The following ERC1 variants were observed in gnomAD, a reference collection of about 807,000 sequenced individuals.
ERC1 encodes RAB6 interacting protein 2.
Under a neutral mutation model 132.0 loss-of-function variants are expected in ERC1, and 56 were observed. The ratio of observed to expected loss-of-function variants is 0.42; its 90% CI spans 0.34 to 0.53. The LOEUF is 0.53. ERC1 is among the 20% of genes least tolerant of loss of function. The pLI is 0.03. For synonymous variants in ERC1, 478 were observed against 476.1 expected, an observed-to-expected ratio of 1.00 and a Z score of -0.05; for missense variants, 1,202 against 1,349.9, an observed-to-expected ratio of 0.89 and a Z score of 1.72.
intron 15 of ERC1, among the ~76,000 whole-genome samples, chr12:1,356,869 T>C (rs1043165243): frequency 6.6e-6 from 1 of 152,210 alleles, no homozygotes; most frequent in African/African-American, 2.4e-5. Flanking sequence ...GGGACTCTTA[T>C]AGTTTTTGCC....
chr12:1,265,672 A>G (rs1321973370), intron 14 of ERC1, among the ~76,000 whole-genome samples: 1 of 152,184 alleles, frequency 6.6e-6, no homozygotes, highest in African/African-American at 2.4e-5. Flanking sequence ...CCATTACAGT[A>G]TTATACAGAG....
intron 7 of ERC1, among the ~76,000 whole-genome samples, chr12:1,122,562 T>TGTG (rs1947618161): frequency 4.2e-5 from 3 of 72,288 alleles, no homozygotes; most frequent in Non-Finnish European, 8.2e-5. Context: ...TATCTCTATC[T>TGTG]CTATCTGTGT....
At position 1,343,318 on chromosome 12, in the gene ERC1, T is replaced by C. The variant is rs117859501; in HGVS notation, c.2781-28515T>C. On this transcript the variant is annotated intron_variant, in intron 15 of 18. Transcript: ENST00000360905. ...TCCCCCCTTTTATCTGTGTCACTAA[T>C]GCTAAATTAGTTCATGGGTCATTCA... Among the ~76,000 whole-genome samples the C allele has an allele frequency of 9.8e-3, 1,500 of 152,340 alleles. 14 individuals carry two copies. The highest frequency in any genetic ancestry group is 0.014 in the Non-Finnish European group (986 of 68,038).
intron 18 of ERC1, among the ~76,000 whole-genome samples, chr12:1,454,144 G>GT (rs1292480433): frequency 1.3e-5 from 2 of 151,968 alleles, no homozygotes; most frequent in African/African-American, 4.8e-5. Context: ...TGAATCTTCC[G>GT]TAACACTCTA....
intron 15 of ERC1, among the ~76,000 whole-genome samples, chr12:1,298,408 T>C (rs1226406350): frequency 1.3e-5 from 2 of 151,384 alleles, no homozygotes; most frequent in Admixed American, 1.3e-4. Flanking sequence ...CCGGGTGTGG[T>C]GGCGGGTGTC....
intron 15 of ERC1, among the ~76,000 whole-genome samples, chr12:1,342,478 A>AAAAAAAACAAAAAAAAGAT (rs2084010112): frequency 3.3e-5 from 5 of 151,710 alleles, no homozygotes; most frequent in Admixed American, 6.6e-5. Context: ...CAAAAAAAAA[A>AAAAAAAACAAAAAAAAGAT]AAAACAAAAA....
At chr12:1,341,312 G>T (rs1479452112) in intron 15 of ERC1, among the ~76,000 whole-genome samples, 1 of 151,114 alleles carries the variant, frequency 6.6e-6, no homozygotes, top group Non-Finnish European at 1.5e-5. Context: ...CACCAAGATG[G>T]TCTCGATCTC....
chr12:1,369,175 C>G (rs1293451121), intron 15 of ERC1, among the ~76,000 whole-genome samples: 3 of 152,148 alleles, frequency 2.0e-5, no homozygotes, highest in African/African-American at 4.8e-5. Context: ...ATGCCACATT[C>G]CTCAAAACTT....
chr12:1,321,415 C>T (rs1466667419), intron 15 of ERC1, among the ~76,000 whole-genome samples: 1 of 152,116 alleles, frequency 6.6e-6, no homozygotes, highest in Admixed American at 6.5e-5. Context: ...CTGTTGTATT[C>T]ATACAATGCG....
Position 1,053,360 on chromosome 12 carries a change from A to G in ERC1, c.669+24788A>G, listed in dbSNP as rs547558138. Among the ~76,000 whole-genome samples, 5 of 152,322 alleles carry G rather than the reference A, an allele frequency of 3.3e-5. No individual in the cohort carries two copies. In the South Asian group the frequency reaches 8.3e-4, roughly 25 times the overall value. Reference sequence around the variant, plus strand: ...TATGCATTAAATATGTGCTTCATTCAGGAGGAGATCACCCCACCCCAGCCA... The same window carrying G: ...TATGCATTAAATATGTGCTTCATTCGGGAGGAGATCACCCCACCCCAGCCA... On this transcript the variant is annotated intron_variant, in intron 2 of 18. Transcript: ENST00000360905.
At chr12:1,020,341 C>G (rs1592734639) in intron 1 of ERC1, among the ~76,000 whole-genome samples, 1 of 152,292 alleles carries the variant, frequency 6.6e-6, no homozygotes. Context: ...CCTGTAATCC[C>G]AGCTACTTGG....
At chr12:1,243,303 C>G (rs893087527) in intron 13 of ERC1, among the ~76,000 whole-genome samples, 2 of 151,882 alleles carry the variant, frequency 1.3e-5, no homozygotes, top group Non-Finnish European at 1.5e-5. Flanking sequence ...CAGGGACTTG[C>G]GCATCTGTGG....
chr12:1,269,791 G>A (rs1251949259), intron 14 of ERC1, among the ~76,000 whole-genome samples: 1 of 152,140 alleles, frequency 6.6e-6, no homozygotes, highest in East Asian at 1.9e-4. Flanking sequence ...TGCTCAAAAG[G>A]CACCTAAGGT....
intron 12 of ERC1, among the ~76,000 whole-genome samples, chr12:1,229,329 G>T (rs993153543): frequency 1.3e-5 from 2 of 151,984 alleles, no homozygotes; most frequent in African/African-American, 2.4e-5. Context: ...TAGCAAGACT[G>T]GTCTCTACAA....
intron 7 of ERC1, among the ~76,000 whole-genome samples, chr12:1,138,743 G>C (rs1015481978): frequency 3.3e-5 from 5 of 152,182 alleles, no homozygotes; most frequent in African/African-American, 9.7e-5. Flanking sequence ...TGGAAGTGGG[G>C]CAAGGAGGCA....
chr12:1,387,754 T>C (rs2154381211), intron 16 of ERC1, among the ~76,000 whole-genome samples: 1 of 152,350 alleles, frequency 6.6e-6, no homozygotes, highest in African/African-American at 2.4e-5. Context: ...ACTTTTGGAC[T>C]TGGGGCCGCT....
chr12:1,227,578 G>A (rs763334388), intron 12 of ERC1, among the ~76,000 whole-genome samples: 29 of 152,268 alleles, frequency 1.9e-4, no homozygotes, highest in Admixed American at 4.6e-4. Context: ...AGGTTTGCAA[G>A]CATTTTTTCC....
intron 1 of ERC1, among the ~76,000 whole-genome samples, chr12:1,026,467 T>C (rs1475129617): frequency 6.6e-6 from 1 of 152,236 alleles, no homozygotes; most frequent in Non-Finnish European, 1.5e-5. Flanking sequence ...CTTGGGCTAG[T>C]ACTATACAGT....
intron 15 of ERC1, among the ~76,000 whole-genome samples, chr12:1,345,432 C>T (rs2084361285): frequency 6.6e-6 from 1 of 152,128 alleles, no homozygotes; most frequent in Admixed American, 6.5e-5. Flanking sequence ...ATCTGCCCGC[C>T]TCGGCCTCCC....
Sources: gnomAD v4.1 joint callset for allele counts (sites outside exome capture counted in the v4.1 genomes callset) on GRCh38, gnomAD v4.1.1 for gene constraint, MANE v1.5 for transcripts, NCBI Gene and HGNC (gene_info 2026-07-23, HGNC 2026-07-21) for gene names.